The following BBS9 variants were observed in gnomAD, a reference collection of about 807,000 sequenced individuals.
BBS9 encodes Bardet-Biedl syndrome 9.
A neutral mutation model predicts 117.7 loss-of-function variants in BBS9; 89 were observed. The observed-to-expected ratio is 0.76, with a 90% CI of 0.64 to 0.90. The LOEUF is 0.90. BBS9 is among the 40% of genes least tolerant of loss of function. The pLI, the probability that BBS9 is intolerant of heterozygous loss-of-function variation, is 0.00. For missense variants in BBS9, 982 were observed against 1,042.2 expected (o/e 0.94, Z 0.80); for synonymous variants, 379 against 370.9 (o/e 1.02, Z -0.25).
At chr7:33,467,076 T>C (rs1174504869) in intron 19 of BBS9, among the ~76,000 whole-genome samples, 1 of 151,990 alleles carries the variant, frequency 6.6e-6, no homozygotes, top group Non-Finnish European at 1.5e-5. Context: ...ATAACAAACA[T>C]TCAAGGACTG....
At chr7:33,411,781 T>G (rs1831187279) in intron 19 of BBS9, among the ~76,000 whole-genome samples, 1 of 152,136 alleles carries the variant, frequency 6.6e-6, no homozygotes, top group Non-Finnish European at 1.5e-5. Flanking sequence ...AGATTCAATT[T>G]AAAGGATTGT....
intron 5 of BBS9, among the ~76,000 whole-genome samples, chr7:33,198,862 C>T (rs1208227711): frequency 6.6e-6 from 1 of 151,886 alleles, no homozygotes; most frequent in Non-Finnish European, 1.5e-5. Context: ...TTTGTTATGA[C>T]CATTTCTAGA....
At chr7:33,621,521 C>T (rs1865405181) in intron 21 of BBS9, among the ~76,000 whole-genome samples, 1 of 152,070 alleles carries the variant, frequency 6.6e-6, no homozygotes, top group Admixed American at 6.5e-5. Flanking sequence ...TGACTATGAT[C>T]AAAAAGACAA....
At position 33,341,956 on chromosome 7, in the gene BBS9, G is replaced by T. The variant is rs188724310; in HGVS notation, c.1275+983G>T. ...ATTGGTGTAGAAATTGATCTGTGTAGAAATCTGTGTAGAAATTGATCACCA... is the reference window on the plus strand; with the variant it reads ...ATTGGTGTAGAAATTGATCTGTGTATAAATCTGTGTAGAAATTGATCACCA... On this transcript the variant is annotated intron_variant, in intron 11 of 22. Coordinates refer to ENST00000242067, the MANE Select transcript of BBS9 (RefSeq NM_198428.3). 3.7e-3 allele frequency among the ~76,000 whole-genome samples: 570 copies of T among 152,178 alleles called. 3 individuals are homozygous for T. Among genetic ancestry groups the T allele is most frequent in the Non-Finnish European group, 5.9e-3 (398 of 67,954 alleles).
chr7:33,154,123 G>C (rs1562690463), intron 3 of BBS9, among the ~76,000 whole-genome samples: 1 of 152,096 alleles, frequency 6.6e-6, no homozygotes, highest in Admixed American at 6.5e-5. Context: ...GAGCATGGTG[G>C]AAAACTTGTT....
intron 19 of BBS9, among the ~76,000 whole-genome samples, chr7:33,456,563 TAAAAA>T (rs563057705): frequency 2.3e-3 from 344 of 152,258 alleles, no homozygotes; most frequent in African/African-American, 7.9e-3. Flanking sequence ...GTTTTTGAGT[TAAAAA>T]AACAAAACCT....
chr7:33,317,552 A>G (rs562507200), intron 9 of BBS9, among the ~76,000 whole-genome samples: 6 of 152,266 alleles, frequency 3.9e-5, no homozygotes, highest in Non-Finnish European at 5.9e-5. Flanking sequence ...CCATAAGGCT[A>G]TTGGGGGATT....
At chr7:33,336,253 G>C (rs1815333534) in intron 9 of BBS9, among the ~76,000 whole-genome samples, 188 bp from the exon 10 acceptor site, 1 of 152,152 alleles carries the variant, frequency 6.6e-6, no homozygotes. Context: ...TTAACATTGG[G>C]AATACTTCTG....
chr7:33,521,284 G>T (rs1428936367), intron 20 of BBS9, among the ~76,000 whole-genome samples: 1 of 152,208 alleles, frequency 6.6e-6, no homozygotes, highest in Non-Finnish European at 1.5e-5. Context: ...TTGGTTTGCA[G>T]CAGCTTTCTG....
chr7:33,362,898 C>T (rs1195266829), intron 16 of BBS9, among the ~76,000 whole-genome samples: 1 of 147,532 alleles, frequency 6.8e-6, no homozygotes, highest in Non-Finnish European at 1.5e-5. Flanking sequence ...AATTTTCTCT[C>T]TGTATTCTAG....
Position 33,455,827 on chromosome 7 carries a change from T to C in BBS9, c.2116-49636T>C, listed in dbSNP as rs533174083. ...TTCTTGTGTTTCTTTTTAACAGAGC[T>C]GTTAATGATAAGTGGTTGCTTATTT... On this transcript the variant is annotated intron_variant, in intron 19 of 22. Coordinates refer to ENST00000242067, the MANE Select transcript of BBS9 (RefSeq NM_198428.3). 2.6e-5 allele frequency among the ~76,000 whole-genome samples: 4 copies of C among 152,356 alleles called. No homozygotes were observed. In the East Asian group the frequency reaches 7.7e-4, roughly 29 times the overall value.
At chr7:33,192,313 AT>A in intron 5 of BBS9, among the ~76,000 whole-genome samples, 1 of 152,220 alleles carries the variant, frequency 6.6e-6, no homozygotes, top group East Asian at 1.9e-4. Flanking sequence ...ACAGAAAAAA[AT>A]CTGCGTGATT....
At chr7:33,222,094 T>C (rs1478854157) in intron 5 of BBS9, among the ~76,000 whole-genome samples, 10 of 152,216 alleles carry the variant, frequency 6.6e-5, no homozygotes, top group Non-Finnish European at 1.5e-4. Context: ...TTGAATATTT[T>C]TTGGCTTCTT....
intron 16 of BBS9, among the ~76,000 whole-genome samples, chr7:33,366,543 CTTTTTTTTTTT>C (rs70989948): frequency 2.2e-5 from 2 of 89,692 alleles, no homozygotes; most frequent in Non-Finnish European, 4.1e-5. Context: ...TCTTTTCTTT[CTTTTTTTTTTT>C]TTTTTTTTGA....
chr7:33,193,721 T>C lies in BBS9; in HGVS notation c.442+16130T>C, dbSNP rs1784529620. 5.9e-5 allele frequency among the ~76,000 whole-genome samples: 9 copies of C among 152,290 alleles called. 1 individual carries two copies. The South Asian group carries it at 1.9e-3, about 32-fold the overall frequency. On this transcript the variant is annotated intron_variant, in intron 5 of 22. Transcript: ENST00000242067. ...GTCTGTAGCAGCCTTACTGTAGGATTTGGCTTCAACCCTCTCTTTTGTGAT... is the reference window on the plus strand; with the variant it reads ...GTCTGTAGCAGCCTTACTGTAGGATCTGGCTTCAACCCTCTCTTTTGTGAT...
At position 33,521,926 on chromosome 7, in the gene BBS9, G is replaced by A. The variant is rs1238778992; in HGVS notation, c.2299-12028G>A. On this transcript the variant is annotated intron_variant, in intron 20 of 22. Transcript: ENST00000242067. ...CCCACCCCACCACAGTCCCCAGAGT[G>A]TGATATTCCCCTTCCTGTGTCCATG... is the stretch of plus-strand genomic sequence containing the variant. Among the ~76,000 whole-genome samples, 5 of 124,054 alleles carry A rather than the reference G, an allele frequency of 4.0e-5. No homozygotes were observed. In the Admixed American group the frequency reaches 5.4e-4, roughly 13 times the overall value. The allele number at this position is 124,054 out of a possible 152,430, so 81.4% of individuals were successfully genotyped here. A position where few individuals can be genotyped will look rare whatever the true frequency, so the allele number is the denominator to read the frequency against.
At chr7:33,610,654 C>T (rs190168518), downstream of BBS9, among the ~76,000 whole-genome samples, 384 of 152,166 alleles carry the variant, frequency 2.5e-3, no homozygotes, top group African/African-American at 8.9e-3. Flanking sequence ...AATACTGTTT[C>T]GACACGACTT....
chr7:33,273,841 A>G lies in BBS9; in HGVS notation c.901A>G (p.Ile301Val). Reference protein sequence around the residue: ...LPYCSVSEGTINTLIGNHNNM... With the variant: ...LPYCSVSEGTVNTLIGNHNNM... ...TCAACTTACAGTTTCTGAAGGAACA[A>G]TAAATACTTTGATTGGAAATCATAA... Residue 301 changes from isoleucine (I) to valine (V), a missense_variant, in exon 9 of 23, where the codon ATA (isoleucine) becomes GTA (valine). Ile to Val is a conservative substitution (Grantham distance 29, BLOSUM62 3). Transcript: ENST00000242067. 1 of 1,610,324 alleles carries G rather than the reference A, an allele frequency of 6.2e-7. No homozygotes were observed. The highest frequency in any genetic ancestry group is 8.5e-7 in the Non-Finnish European group (1 of 1,176,876).
chr7:33,610,403 G>A (rs569530382), downstream of BBS9, among the ~76,000 whole-genome samples: 36 of 152,212 alleles, frequency 2.4e-4, no homozygotes, highest in African/African-American at 8.7e-4. Flanking sequence ...GGCACCAGAA[G>A]GTTTGGTATC....
Sources: gnomAD v4.1 joint callset for allele counts (sites outside exome capture counted in the v4.1 genomes callset) on GRCh38, gnomAD v4.1.1 for gene constraint, MANE v1.5 for transcripts, NCBI Gene and HGNC (gene_info 2026-07-23, HGNC 2026-07-21) for gene names.